KCNN3: variants seen among roughly 807,000 people sequenced by gnomAD.
The protein encoded by KCNN3 is small conductance calcium-activated potassium channel protein 3.
In KCNN3, 16 loss-of-function variants were observed where a neutral mutation model predicts 62.9. The observed-to-expected ratio is 0.25, with a 90% CI of 0.17 to 0.39. KCNN3 has a LOEUF of 0.39. Ranked by LOEUF, KCNN3 falls within the 10% of genes least tolerant of loss-of-function variation. The probability of loss-of-function intolerance (pLI) is 1.00; values close to 1 mark genes in which losing one functional copy is unlikely to be tolerated. For missense variants in KCNN3, 599 were observed against 949.4 expected, an observed-to-expected ratio of 0.63 and a Z score of 4.85; for synonymous variants, 370 against 389.2, an observed-to-expected ratio of 0.95 and a Z score of 0.58.
intron 5 of KCNN3, among the ~76,000 whole-genome samples, chr1:154,724,045 G>A (rs1700411264): frequency 1.3e-5 from 2 of 152,220 alleles, no homozygotes; most frequent in Admixed American, 1.3e-4. Flanking sequence ...GGGCCATGAT[G>A]TATCAAGTAC....
chr1:154,834,967 T>A (rs900685764), intron 1 of KCNN3, among the ~76,000 whole-genome samples: 1 of 152,178 alleles, frequency 6.6e-6, no homozygotes, highest in Non-Finnish European at 1.5e-5. Context: ...GCTGCACTTG[T>A]TTCCACATCC....
At chr1:154,737,196 A>C in intron 3 of KCNN3, 1 of 165,038 alleles carries the variant, frequency 6.1e-6, no homozygotes, top group East Asian at 1.9e-4. Flanking sequence ...ATTTTTTGCA[A>C]TAGAAAATTT....
At position 154,869,294 on chromosome 1, in the gene KCNN3, C is replaced by T. The variant is rs775661147; in HGVS notation, c.671G>A (p.Arg224Gln). The T allele has an allele frequency of 1.2e-6, 2 of 1,613,498 alleles. No individual in the cohort carries two copies. Among genetic ancestry groups the T allele is most frequent in the African/African-American group, 2.7e-5 (2 of 74,810 alleles). ...SNPPEIVISSREDNHAHQTLL... is the reference protein window; with the variant it reads ...SNPPEIVISSQEDNHAHQTLL... ...GGTCTGGTGGGCATGGTTGTCCTCC[C>T]GGGAGGAGATGACGATCTCCGGGGG... The change falls in exon 1 of 8, where the codon CGG becomes CAG. Residue 224 changes from arginine (R) to glutamine (Q), a missense_variant. By Grantham distance (43) the Arg-to-Gln change is conservative. This residue lies in a region of KCNN3 where 80 missense variants were observed against 85.4 expected (regional missense o/e 0.94). Transcript: ENST00000271915. The surrounding 1 kb of genome is among the most constrained non-coding windows in gnomAD (Gnocchi z 6.1).
Position 154,822,764 on chromosome 1 carries a change from G to A in KCNN3, c.934-580C>T, listed in dbSNP as rs557732482. ...AGGAGCTACTGGAGAGAGAAGCCAG[G>A]AAGCACAGGAGCAGAGAGGGGTCCT... On this transcript the variant is annotated intron_variant, in intron 1 of 7. Transcript: ENST00000271915. Among the ~76,000 whole-genome samples, 15 of 152,364 alleles carry A rather than the reference G, an allele frequency of 9.8e-5. 1 individual carries two copies. In the South Asian group the frequency reaches 2.9e-3, roughly 29 times the overall value.
At chr1:154,786,909 C>A (rs907130839) in intron 2 of KCNN3, among the ~76,000 whole-genome samples, 1 of 152,220 alleles carries the variant, frequency 6.6e-6, no homozygotes, top group African/African-American at 2.4e-5. Context: ...CATGGCCATT[C>A]TTGGAGGAAA....
At chr1:154,789,079 C>T (rs747304945) in intron 2 of KCNN3, among the ~76,000 whole-genome samples, 4 of 152,190 alleles carry the variant, frequency 2.6e-5, no homozygotes, top group East Asian at 1.9e-4. Context: ...ACTAGACTAA[C>T]GTGGAGGTTG....
intron 5 of KCNN3, among the ~76,000 whole-genome samples, chr1:154,717,689 C>T (rs1404399514): frequency 1.3e-5 from 2 of 152,134 alleles, no homozygotes; most frequent in Non-Finnish European, 2.9e-5. Flanking sequence ...GAGGCAGTCA[C>T]ATCATCTTTA....
intron 4 of KCNN3, among the ~76,000 whole-genome samples, chr1:154,729,477 C>A (rs534069767): frequency 4.8e-4 from 73 of 152,118 alleles, no homozygotes; most frequent in African/African-American, 1.7e-3. Context: ...AAATCTGGAC[C>A]GAGACTCCTC....
At chr1:154,852,191 TTGAG>T (rs1197385238) in intron 1 of KCNN3, among the ~76,000 whole-genome samples, 1 of 150,062 alleles carries the variant, frequency 6.7e-6, no homozygotes, top group Non-Finnish European at 1.5e-5. Context: ...TTTCAACAAC[TTGAG>T]TGTGTGAATC....
chr1:154,832,700 G>T (rs1571320246), intron 1 of KCNN3, among the ~76,000 whole-genome samples: 1 of 152,136 alleles, frequency 6.6e-6, no homozygotes, highest in African/African-American at 2.4e-5. Flanking sequence ...AACCTATCTG[G>T]CTCCCAAATG....
intron 2 of KCNN3, among the ~76,000 whole-genome samples, chr1:154,817,754 C>A (rs1289231547): frequency 6.6e-6 from 1 of 152,116 alleles, no homozygotes; most frequent in African/African-American, 2.4e-5. Context: ...GCTGATGACC[C>A]CTGGGAGAAG....
chr1:154,745,618 A>G (rs1700921984), intron 3 of KCNN3, among the ~76,000 whole-genome samples: 2 of 152,126 alleles, frequency 1.3e-5, no homozygotes, highest in African/African-American at 4.8e-5. Context: ...TTGCAAATGG[A>G]TGCACCATTT....
At chr1:154,774,880 G>A (rs113912195) in intron 2 of KCNN3, among the ~76,000 whole-genome samples, 1 of 152,268 alleles carries the variant, frequency 6.6e-6, no homozygotes, top group African/African-American at 2.4e-5. Context: ...GGGAAGGCCT[G>A]AGCTGCAAGG....
intron 3 of KCNN3, among the ~76,000 whole-genome samples, chr1:154,742,534 C>A (rs913710766): frequency 6.6e-6 from 1 of 151,882 alleles, no homozygotes; most frequent in African/African-American, 2.4e-5. Flanking sequence ...AGAGCAGTGC[C>A]GGGCACATAG....
At chr1:154,833,410 A>G (rs1651452602) in intron 1 of KCNN3, among the ~76,000 whole-genome samples, 1 of 152,172 alleles carries the variant, frequency 6.6e-6, no homozygotes. Context: ...TTTCCCAGCC[A>G]TGCTTCCAGG....
At chr1:154,818,768 A>G (rs750001412) in intron 2 of KCNN3, among the ~76,000 whole-genome samples, 2 of 152,236 alleles carry the variant, frequency 1.3e-5, no homozygotes, top group African/African-American at 2.4e-5. Context: ...TAAATTACCC[A>G]GCTTGGGTGA....
chr1:154,765,628 C>CA (rs1301871037), intron 3 of KCNN3, among the ~76,000 whole-genome samples: 1 of 129,728 alleles, frequency 7.7e-6, no homozygotes, highest in Non-Finnish European at 1.6e-5. Flanking sequence ...TTTCTTTTTC[C>CA]TTTTTTTTTT....
At chr1:154,741,145 AT>A (rs1700815094) in intron 3 of KCNN3, among the ~76,000 whole-genome samples, 1 of 152,214 alleles carries the variant, frequency 6.6e-6, no homozygotes, top group Non-Finnish European at 1.5e-5. Context: ...TGAGGCAGGG[AT>A]ACAACTTCAT....
At chr1:154,748,821 G>A (rs1272725094) in intron 3 of KCNN3, among the ~76,000 whole-genome samples, 1 of 152,170 alleles carries the variant, frequency 6.6e-6, no homozygotes, top group Non-Finnish European at 1.5e-5. Context: ...AATTAGCAGG[G>A]CATGGTGGTA....
Sources: gnomAD v4.1 joint callset for allele counts (sites outside exome capture counted in the v4.1 genomes callset) on GRCh38, gnomAD v4.1.1 for gene constraint, gnomAD v4.1.1 regional missense constraint, Gnocchi (gnomAD v3.1) non-coding constraint, MANE v1.5 for transcripts, NCBI Gene and HGNC (gene_info 2026-07-23, HGNC 2026-07-21) for gene names.